STK4: variants seen among roughly 807,000 people sequenced by gnomAD.
STK4 encodes serine/threonine-protein kinase 4.
Under a neutral mutation model 64.9 loss-of-function variants are expected in STK4, and 30 were observed. That is an observed-to-expected ratio of 0.46 (90% CI 0.35 to 0.63). The LOEUF is 0.63. STK4 is among the 20% of genes least tolerant of loss of function. The pLI, the probability that STK4 is intolerant of heterozygous loss-of-function variation, is 0.01. For synonymous variants in STK4, 177 were observed against 199.0 expected, an observed-to-expected ratio of 0.89 and a Z score of 0.93; for missense variants, 466 against 598.5, an observed-to-expected ratio of 0.78 and a Z score of 2.31.
chr20:45,027,025 T>C (rs967662812), intron 10 of STK4, among the ~76,000 whole-genome samples: 1 of 152,234 alleles, frequency 6.6e-6, no homozygotes, highest in Non-Finnish European at 1.5e-5. Flanking sequence ...CAGGCAAAGA[T>C]GTTTAACTAC....
chr20:45,040,347 G>A (rs1217962664), intron 10 of STK4, among the ~76,000 whole-genome samples: 1 of 152,030 alleles, frequency 6.6e-6, no homozygotes, highest in African/African-American at 2.4e-5. Flanking sequence ...TCAAAATAAT[G>A]TATTGGTTCC....
At chr20:45,040,066 A>G (rs2068588513) in intron 10 of STK4, among the ~76,000 whole-genome samples, 1 of 124,728 alleles carries the variant, frequency 8.0e-6, no homozygotes, top group African/African-American at 3.1e-5. Flanking sequence ...TTTTTTTGGC[A>G]AGGGTATTTC....
intron 3 of STK4, among the ~76,000 whole-genome samples, chr20:44,981,223 C>T (rs1471588517): frequency 3.3e-5 from 5 of 151,954 alleles, no homozygotes; most frequent in African/African-American, 4.8e-5. Context: ...GGCGCGATTT[C>T]GGCTCGCTGC....
chr20:45,000,271 G>A, intron 7 of STK4, 121 bp from the exon 8 acceptor site: 1 of 1,312,806 alleles, frequency 7.6e-7, no homozygotes, highest in Non-Finnish European at 1.0e-6. Flanking sequence ...AGCACAAAGA[G>A]AAAGATCAGA....
intron 10 of STK4, chr20:45,052,989 C>A: frequency 1.0e-6 from 1 of 957,612 alleles, no homozygotes; most frequent in Non-Finnish European, 1.6e-6. Flanking sequence ...TTTGTTTCAA[C>A]TTCTTATTTT....
chr20:44,990,683 A>G (rs780097481), intron 5 of STK4, among the ~76,000 whole-genome samples: 6 of 152,022 alleles, frequency 3.9e-5, no homozygotes, highest in Non-Finnish European at 7.3e-5. Flanking sequence ...CACCACCCAC[A>G]CTCTCTATAG....
intron 10 of STK4, among the ~76,000 whole-genome samples, chr20:45,055,778 G>A: frequency 6.6e-6 from 1 of 150,854 alleles, no homozygotes; most frequent in Admixed American, 6.6e-5. Flanking sequence ...TGTTGCCCAG[G>A]CTGGAGTGCA....
At chr20:45,003,560 T>C (rs2067879180) in intron 9 of STK4, among the ~76,000 whole-genome samples, 2 of 152,182 alleles carry the variant, frequency 1.3e-5, no homozygotes, top group Admixed American at 1.3e-4. Context: ...TTTCATTTAG[T>C]TCCTTATTTG....
At chr20:44,998,710 G>C (rs6103951) in intron 7 of STK4, among the ~76,000 whole-genome samples, 9,378 of 152,222 alleles carry the variant, frequency 0.062, 964 homozygotes, top group African/African-American at 0.21. Flanking sequence ...GACCCAGTTT[G>C]CAGACATAAT....
chr20:45,053,896 T>A (rs193178419), intron 10 of STK4, among the ~76,000 whole-genome samples: 1 of 151,802 alleles, frequency 6.6e-6, no homozygotes, highest in East Asian at 1.9e-4. Flanking sequence ...ATAGTAGTTT[T>A]TTTTTGTTTT....
chr20:44,988,533 G>GTGTGTGTGTATATATATATATATATA (rs1221720136), intron 5 of STK4, among the ~76,000 whole-genome samples: 4 of 101,580 alleles, frequency 3.9e-5, no homozygotes, highest in Admixed American at 1.2e-4. Flanking sequence ...ATGTGTGTGT[G>GTGTGTGTGTATATATATATATATATA]TATATATATA....
chr20:44,971,029 C>T (rs1242712018), intron 1 of STK4, among the ~76,000 whole-genome samples: 3 of 147,924 alleles, frequency 2.0e-5, no homozygotes, highest in South Asian at 4.3e-4. Context: ...ACCGTTTCCT[C>T]AGCTCTCTAT....
intron 9 of STK4, among the ~76,000 whole-genome samples, chr20:45,011,729 ATTTTTTTT>A (rs869113711): frequency 5.2e-5 from 6 of 115,378 alleles, no homozygotes; most frequent in African/African-American, 1.8e-4. Context: ...ATATATATAT[ATTTTTTTT>A]TTTTTTTTTA....
Position 44,995,190 on chromosome 20 carries a change from C to T in STK4, c.626C>T (p.Ser209Phe), listed in dbSNP as rs867168175. The T allele has an allele frequency of 6.2e-7, 1 of 1,613,726 alleles. No individual in the cohort carries two copies. Among genetic ancestry groups the T allele is most frequent in the Non-Finnish European group, 8.5e-7 (1 of 1,179,860 alleles). ...IGYNCVADIW[S>F]LGITAIEMAE... ...TACAACTGTGTAGCAGACATCTGGT[C>T]CCTGGGAATAACTGCCATAGAAATG... Residue 209 changes from serine to phenylalanine, a missense_variant, in exon 6 of 11, where the codon TCC becomes TTC. Physicochemically the swap from Ser to Phe is radical, Grantham distance 155. Coordinates refer to ENST00000372806, the MANE Select transcript of STK4 (RefSeq NM_006282.5).
intron 10 of STK4, among the ~76,000 whole-genome samples, chr20:45,036,699 C>T (rs1186474020): frequency 2.6e-5 from 4 of 152,146 alleles, no homozygotes; most frequent in East Asian, 1.9e-4. Context: ...CTTCCATCCG[C>T]GAATTGTTGT....
Position 45,020,480 on chromosome 20 carries a change from A to G in STK4, c.1148-4493A>G, listed in dbSNP as rs1303803729. On this transcript the variant is annotated intron_variant, in intron 9 of 10. Transcript: ENST00000372806. ...TGTGTGTGTGTGTATGTTTATGTTTATGTTTATGTTTATGTTTATGTGAGA... is the reference window on the plus strand; with the variant it reads ...TGTGTGTGTGTGTATGTTTATGTTTGTGTTTATGTTTATGTTTATGTGAGA... Among the ~76,000 whole-genome samples the G allele has an allele frequency of 3.0e-3, 445 of 147,914 alleles. 2 individuals are homozygous for G. The highest frequency in any genetic ancestry group is 0.011 in the African/African-American group (425 of 38,566).
At chr20:44,968,394 C>T (rs2067189279) in intron 1 of STK4, among the ~76,000 whole-genome samples, 1 of 152,236 alleles carries the variant, frequency 6.6e-6, no homozygotes, top group Non-Finnish European at 1.5e-5. Context: ...ACCTTGGCTT[C>T]TCAAAGTGGT....
intron 3 of STK4, among the ~76,000 whole-genome samples, chr20:44,980,337 G>C (rs2267857): frequency 0.52 from 79,291 of 152,048 alleles, 21,842 homozygotes; most frequent in African/African-American, 0.68. Flanking sequence ...AGAGGAAATT[G>C]TAAGAGTTCT....
At chr20:45,068,186 A>G (rs561549549) in intron 10 of STK4, among the ~76,000 whole-genome samples, 1 of 152,352 alleles carries the variant, frequency 6.6e-6, no homozygotes, top group Admixed American at 6.5e-5. Flanking sequence ...ATGCAAAGGC[A>G]TCCAACTACC....
Sources: gnomAD v4.1 joint callset for allele counts (sites outside exome capture counted in the v4.1 genomes callset) on GRCh38, gnomAD v4.1.1 for gene constraint, MANE v1.5 for transcripts, NCBI Gene and HGNC (gene_info 2026-07-23, HGNC 2026-07-21) for gene names.